The following LDAH variants were observed in gnomAD, a reference collection of about 807,000 sequenced individuals.
The protein encoded by LDAH is lipid droplet associated hydrolase.
A neutral mutation model predicts 29.6 loss-of-function variants in LDAH; 26 were observed. The observed-to-expected ratio is 0.88, with a 90% CI of 0.64 to 1.22. The LOEUF (loss-of-function observed/expected upper bound fraction) is 1.22, where lower values mean the gene tolerates loss of function less well. Ranked by LOEUF, LDAH falls within the 50% of genes most tolerant of loss-of-function variation. The probability of loss-of-function intolerance (pLI) is 0.00; values close to 1 mark genes in which losing one functional copy is unlikely to be tolerated. For missense variants in LDAH, 344 were observed against 387.3 expected (o/e 0.89, Z 0.94); for synonymous variants, 117 against 133.0 (o/e 0.88, Z 0.83).
intron 4 of LDAH, among the ~76,000 whole-genome samples, chr2:20,767,734 C>T (rs1669140498): frequency 6.6e-6 from 1 of 152,186 alleles, no homozygotes; most frequent in Admixed American, 6.5e-5. Context: ...CCTTTCTGGG[C>T]CTACCCCTGG....
At chr2:20,766,601 G>T (rs1484218185) in intron 4 of LDAH, among the ~76,000 whole-genome samples, 1 of 152,274 alleles carries the variant, frequency 6.6e-6, no homozygotes, top group Non-Finnish European at 1.5e-5. Flanking sequence ...TTATAGCACA[G>T]TCTACTGTCT....
At chr2:20,817,198 G>T (rs1010561730) in intron 1 of LDAH, among the ~76,000 whole-genome samples, 2 of 151,708 alleles carry the variant, frequency 1.3e-5, no homozygotes, top group Non-Finnish European at 2.9e-5. Context: ...AAATATAAGA[G>T]CAGAAATCAA....
intron 5 of LDAH, among the ~76,000 whole-genome samples, chr2:20,720,951 C>T (rs1440674834): frequency 6.6e-6 from 1 of 152,020 alleles, no homozygotes; most frequent in Non-Finnish European, 1.5e-5. Flanking sequence ...GAAGCTAGAT[C>T]GATCCTATCT....
intron 3 of LDAH, chr2:20,788,995 C>T: frequency 1.2e-6 from 1 of 827,844 alleles, no homozygotes; most frequent in Admixed American, 2.6e-5. Flanking sequence ...TCCTGGCTCT[C>T]TCTCCAGCTC....
intron 6 of LDAH, among the ~76,000 whole-genome samples, chr2:20,699,949 C>G (rs1663797458): frequency 6.6e-6 from 1 of 152,170 alleles, no homozygotes; most frequent in Non-Finnish European, 1.5e-5. Flanking sequence ...GAGTATTTTA[C>G]AGCAGCTGGC....
chr2:20,751,233 A>T (rs554261378), intron 4 of LDAH, among the ~76,000 whole-genome samples: 1 of 152,320 alleles, frequency 6.6e-6, no homozygotes, highest in African/African-American at 2.4e-5. Flanking sequence ...AAAGGTAAAA[A>T]GCATATCTTT....
intron 5 of LDAH, among the ~76,000 whole-genome samples, chr2:20,710,203 A>G (rs1664613505): frequency 6.6e-6 from 1 of 152,190 alleles, no homozygotes; most frequent in African/African-American, 2.4e-5. Context: ...AAAATGTGAG[A>G]AGACAAAAGA....
chr2:20,693,708 C>G (rs1469537187), intron 6 of LDAH, among the ~76,000 whole-genome samples: 1 of 152,252 alleles, frequency 6.6e-6, no homozygotes, highest in Non-Finnish European at 1.5e-5. Flanking sequence ...TGAAGAAAGG[C>G]ACCGACATTC....
At chr2:20,820,466 C>T (rs1673185174) in intron 1 of LDAH, among the ~76,000 whole-genome samples, 2 of 152,310 alleles carry the variant, frequency 1.3e-5, no homozygotes, top group South Asian at 2.1e-4. Flanking sequence ...TACCACACAT[C>T]TACAACTATC....
rs532663117 is a variant in LDAH at position 20,739,892 on chromosome 2, T to C, written c.703+79A>G. The C allele has an allele frequency of 8.9e-6, 9 of 1,015,234 alleles. No homozygotes were observed. In the South Asian group the frequency reaches 1.8e-4, roughly 20 times the overall value. The allele number at this position is 1,015,234 out of a possible 1,614,324, so 62.9% of individuals were successfully genotyped here. On this transcript the variant is annotated intron_variant, in intron 5 of 6. Coordinates refer to ENST00000237822, the MANE Select transcript of LDAH (RefSeq NM_021925.4). ...CTAGTAAATAATTGCTTGCTTGATA[T>C]TTGTCCACTGTCAGAGAGTATTGTG...
At chr2:20,766,259 C>T (rs1669028999) in intron 4 of LDAH, among the ~76,000 whole-genome samples, 2 of 152,124 alleles carry the variant, frequency 1.3e-5, no homozygotes, top group African/African-American at 2.4e-5. Context: ...TTTCATTGGT[C>T]ACAAACAGAC....
At chr2:20,803,171 C>A (rs191486144) in intron 1 of LDAH, among the ~76,000 whole-genome samples, 2 of 152,330 alleles carry the variant, frequency 1.3e-5, no homozygotes, top group East Asian at 3.9e-4. Context: ...CAGCTCCCCA[C>A]AACAAATAAT....
At chr2:20,814,614 C>A (rs1266016528) in intron 1 of LDAH, among the ~76,000 whole-genome samples, 1 of 152,150 alleles carries the variant, frequency 6.6e-6, no homozygotes, top group Non-Finnish European at 1.5e-5. Flanking sequence ...GCACACACCA[C>A]CATGCCTGGC....
rs376540805 is a variant in LDAH, at chr2:20,803,241, G to A, written c.-2-1776C>T. 2.0e-4 allele frequency among the ~76,000 whole-genome samples: 31 copies of A among 152,256 alleles called. 1 individual carries two copies. The South Asian group carries it at 6.4e-3, about 32-fold the overall frequency. On this transcript the variant is annotated intron_variant, in intron 1 of 6. Transcript: ENST00000237822. ...AAAAACAACACTGCTGTAGTACTAG[G>A]TGCCTGCAGGGGAAAGCTTTCTCCA...
At chr2:20,786,862 T>C (rs1393195793) in intron 3 of LDAH, among the ~76,000 whole-genome samples, 2 of 152,198 alleles carry the variant, frequency 1.3e-5, no homozygotes, top group Non-Finnish European at 2.9e-5. Flanking sequence ...TGGATAAAGC[T>C]CTGGAACTCT....
chr2:20,770,455 T>C (rs1477720147), intron 4 of LDAH, among the ~76,000 whole-genome samples: 1 of 152,180 alleles, frequency 6.6e-6, no homozygotes, highest in Non-Finnish European at 1.5e-5. Context: ...CAGTGAAGAA[T>C]CAAGGGCTTT....
intron 1 of LDAH, among the ~76,000 whole-genome samples, chr2:20,822,034 A>C (rs1558512436): frequency 6.6e-6 from 1 of 152,192 alleles, no homozygotes; most frequent in Non-Finnish European, 1.5e-5. Context: ...TTTGAGAATA[A>C]ACATTCTGGA....
Position 20,684,791 on chromosome 2 carries a change from A to G in LDAH, c.*2112T>C, listed in dbSNP as rs1662446583. 7.1e-7 allele frequency: 1 copy of G among 1,402,084 alleles called. No individual in the cohort carries two copies. Among genetic ancestry groups the G allele is most frequent in the African/African-American group, 1.4e-5 (1 of 69,356 alleles). The allele number at this position is 1,402,084 out of a possible 1,614,324, so 86.9% of individuals were successfully genotyped here. A position where few individuals can be genotyped will look rare whatever the true frequency, so the allele number is the denominator to read the frequency against. On this transcript the variant is annotated 3_prime_UTR_variant, in exon 7 of 7. Transcript: ENST00000237822. ...GGAAGTTAAAACTTTCACAAAGACC[A>G]TCCATGTGGTTGACTGGGACATACA...
intron 4 of LDAH, among the ~76,000 whole-genome samples, chr2:20,763,377 G>A (rs1668817618): frequency 6.6e-6 from 1 of 152,216 alleles, no homozygotes; most frequent in Non-Finnish European, 1.5e-5. Context: ...TTAGGTAGGT[G>A]GTTCTCAAAC....
Sources: gnomAD v4.1 joint callset for allele counts (sites outside exome capture counted in the v4.1 genomes callset) on GRCh38, gnomAD v4.1.1 for gene constraint, MANE v1.5 for transcripts, NCBI Gene and HGNC (gene_info 2026-07-23, HGNC 2026-07-21) for gene names.